INTS9: variants seen among roughly 807,000 people sequenced by gnomAD.
INTS9 encodes protein related to CPSF subunits of 74 kDa.
Under a neutral mutation model 79.7 loss-of-function variants are expected in INTS9, and 55 were observed. The observed-to-expected ratio is 0.69, with a 90% confidence interval of 0.56 to 0.86. The LOEUF (loss-of-function observed/expected upper bound fraction) is 0.86. Ranked by LOEUF, INTS9 falls within the 40% of genes least tolerant of loss-of-function variation. The pLI is 0.00. For missense variants in INTS9, 721 were observed against 831.5 expected (o/e 0.87, Z 1.64); for synonymous variants, 319 against 325.2 (o/e 0.98, Z 0.20).
At chr8:28,786,781 G>A (rs1402028839) in intron 11 of INTS9, among the ~76,000 whole-genome samples, 4 of 152,034 alleles carry the variant, frequency 2.6e-5, no homozygotes, top group East Asian at 1.9e-4. Flanking sequence ...GCAGTGGCGC[G>A]ATCTGGGCTC....
At chr8:28,804,671 A>G (rs1804707385) in intron 8 of INTS9, among the ~76,000 whole-genome samples, 1 of 152,216 alleles carries the variant, frequency 6.6e-6, no homozygotes, top group Non-Finnish European at 1.5e-5. Flanking sequence ...GAATCAAACA[A>G]GAACACCAAG....
rs559306996 is a variant in INTS9 at position 28,783,142 on chromosome 8, C to CAAAA, written c.1099-2152_1099-2149dup. On this transcript the variant is annotated intron_variant, in intron 11 of 16. Coordinates refer to ENST00000521022, the MANE Select transcript of INTS9 (RefSeq NM_018250.4). ...CCTGGGCGACAGTGAGACTCCGTCT[C>CAAAA]AAAAAAAAAAAAAAAAAAAAAAAAA... 2.6e-4 allele frequency among the ~76,000 whole-genome samples: 29 copies of CAAAA among 111,684 alleles called. 2 individuals carry two copies. Among genetic ancestry groups the CAAAA allele is most frequent in the African/African-American group, 1.0e-3 (25 of 25,104 alleles). 73.3% of individuals were successfully genotyped at this position (111,684 alleles called of 152,430 possible).
chr8:28,813,631 G>A lies in INTS9; in HGVS notation c.489-19C>T. ...TAACAGCCTGCAAATGGATCACAATGTCAACTACCAGGTGAACATTTCTTC... is the reference window on the plus strand; with the variant it reads ...TAACAGCCTGCAAATGGATCACAATATCAACTACCAGGTGAACATTTCTTC... On this transcript the variant is annotated intron_variant, in intron 6 of 16. Coordinates refer to ENST00000521022, the MANE Select transcript of INTS9 (RefSeq NM_018250.4). The A allele has an allele frequency of 1.9e-6, 3 of 1,611,418 alleles. No individual in the cohort carries two copies. The highest frequency in any genetic ancestry group is 2.5e-6 in the Non-Finnish European group (3 of 1,179,028).
At chr8:28,796,712 T>C (rs914752578) in intron 8 of INTS9, 57 bp from the exon 9 acceptor site, 7 of 1,042,136 alleles carry the variant, frequency 6.7e-6, no homozygotes, top group Admixed American at 1.7e-5. Flanking sequence ...TACCTACAAA[T>C]AGTGAAAGAA....
chr8:28,770,534 G>A (rs1326813508), intron 15 of INTS9, among the ~76,000 whole-genome samples: 2 of 152,212 alleles, frequency 1.3e-5, no homozygotes, highest in Non-Finnish European at 2.9e-5. Context: ...GACTTTAAGT[G>A]GTAGCTAGGA....
At chr8:28,810,560 C>T (rs1356631428) in intron 8 of INTS9, 1 of 152,144 alleles carries the variant, frequency 6.6e-6, no homozygotes, top group East Asian at 1.9e-4. Flanking sequence ...TGAGCTATGA[C>T]TACACCACTG....
At chr8:28,836,869 A>G (rs557372863) in intron 5 of INTS9, among the ~76,000 whole-genome samples, 5 of 152,242 alleles carry the variant, frequency 3.3e-5, no homozygotes, top group Admixed American at 3.3e-4. Context: ...AGGCTCTAGA[A>G]TCCAACCTAG....
At position 28,770,028 on chromosome 8, in the gene INTS9, T is replaced by C; in HGVS notation, c.1663-2A>G. 6.2e-7 allele frequency: 1 copy of C among 1,613,590 alleles called. No homozygotes were observed. On this transcript the variant is annotated splice_acceptor_variant, in intron 15 of 16. Transcript: ENST00000521022. LOFTEE classifies it high-confidence loss of function. ...GGGCTGGGCGGGCCGAGGAGGGGGC[T>C]AGAGCAGAAGGAAAGAGTGGCTTTC...
At chr8:28,861,268 T>C (rs2131299032) in intron 1 of INTS9, among the ~76,000 whole-genome samples, 1 of 152,328 alleles carries the variant, frequency 6.6e-6, no homozygotes, top group South Asian at 2.1e-4. Flanking sequence ...GAGATATTCC[T>C]GTCCCCACCC....
chr8:28,814,703 G>A (rs555855379), intron 6 of INTS9, among the ~76,000 whole-genome samples: 85 of 152,256 alleles, frequency 5.6e-4, no homozygotes, highest in Middle Eastern at 3.4e-3. Flanking sequence ...ACCATCAACT[G>A]AGACAGCCTT....
chr8:28,789,416 T>G (rs755857222), intron 10 of INTS9, among the ~76,000 whole-genome samples: 3 of 149,770 alleles, frequency 2.0e-5, no homozygotes, highest in East Asian at 3.9e-4. Flanking sequence ...AGGACCTGAT[T>G]AGAGTTTGCT....
chr8:28,880,064 T>TA (rs1263161869), intron 1 of INTS9, among the ~76,000 whole-genome samples: 2 of 151,836 alleles, frequency 1.3e-5, no homozygotes, highest in African/African-American at 2.4e-5. Flanking sequence ...TTAAACAATG[T>TA]AAAAAAAGGT....
intron 9 of INTS9, among the ~76,000 whole-genome samples, chr8:28,796,227 T>C (rs550453278): frequency 1.3e-5 from 2 of 152,266 alleles, no homozygotes; most frequent in African/African-American, 2.4e-5. Context: ...GGAGAACTGC[T>C]TGAACCCAGC....
At chr8:28,876,912 G>C (rs1809424402) in intron 1 of INTS9, among the ~76,000 whole-genome samples, 1 of 151,666 alleles carries the variant, frequency 6.6e-6, no homozygotes, top group South Asian at 2.1e-4. Flanking sequence ...ATTAGCAAAA[G>C]GTTTTAAAAT....
Position 28,875,939 on chromosome 8 carries a change from C to G in INTS9, c.9+13935G>C, listed in dbSNP as rs142045333. 1.6e-3 allele frequency among the ~76,000 whole-genome samples: 244 copies of G among 152,322 alleles called. 5 individuals are homozygous for G. The East Asian group carries it at 0.037, about 23-fold the overall frequency. On this transcript the variant is annotated intron_variant, in intron 1 of 16. Coordinates refer to ENST00000521022, the MANE Select transcript of INTS9 (RefSeq NM_018250.4). ...TGCTTCTCTTATCTGTTAGCTATAA[C>G]TATCACACAGTCATCAACATAGTCA...
chr8:28,775,961 G>A (rs1320681630), intron 13 of INTS9, 35 bp from the exon 14 acceptor site: 11 of 1,496,280 alleles, frequency 7.4e-6, no homozygotes, highest in Non-Finnish European at 9.8e-6. Flanking sequence ...GAAAGGTGGT[G>A]TGAAGTACAG....
intron 1 of INTS9, among the ~76,000 whole-genome samples, chr8:28,865,577 G>A (rs1808699209): frequency 6.6e-6 from 1 of 151,898 alleles, no homozygotes; most frequent in South Asian, 2.1e-4. Context: ...TAATAACTGT[G>A]ACACTTATGT....
At chr8:28,799,682 C>T (rs976110648) in intron 8 of INTS9, among the ~76,000 whole-genome samples, 7 of 152,198 alleles carry the variant, frequency 4.6e-5, no homozygotes, top group African/African-American at 1.7e-4. Flanking sequence ...CAAACGGGAA[C>T]ATTTTGTTCA....
At chr8:28,886,021 G>A (rs561767451) in intron 1 of INTS9, among the ~76,000 whole-genome samples, 5 of 152,170 alleles carry the variant, frequency 3.3e-5, no homozygotes, top group East Asian at 3.9e-4. Flanking sequence ...CAAGTATTAC[G>A]TTATAATGGC....
Sources: allele counts gnomAD v4.1 joint callset (sites outside exome capture counted in the v4.1 genomes callset), GRCh38; gene constraint gnomAD v4.1.1; transcripts MANE v1.5; gene names NCBI Gene and HGNC (gene_info 2026-07-23, HGNC 2026-07-21).